STXBP6: variants seen among roughly 807,000 people sequenced by gnomAD.
The protein encoded by STXBP6 is syntaxin-binding protein 6.
Under a neutral mutation model 26.9 loss-of-function variants are expected in STXBP6, and 21 were observed. The ratio of observed to expected loss-of-function variants is 0.78; its 90% CI spans 0.55 to 1.12. The LOEUF is 1.12. STXBP6 is among the 50% of genes most tolerant of loss of function. STXBP6 has a pLI of 0.00. For synonymous variants in STXBP6, 97 were observed against 92.6 expected (o/e 1.05, Z -0.27); for missense variants, 232 against 257.9 (o/e 0.90, Z 0.69).
At chr14:25,045,690 G>A (rs993150385) in intron 1 of STXBP6, among the ~76,000 whole-genome samples, 9 of 147,094 alleles carry the variant, frequency 6.1e-5, no homozygotes, top group South Asian at 2.1e-4. Context: ...TGCAACCTTC[G>A]TCTCCCAGAT....
At chr14:24,933,622 C>T (rs1056048067) in intron 2 of STXBP6, among the ~76,000 whole-genome samples, 5 of 152,164 alleles carry the variant, frequency 3.3e-5, no homozygotes, top group Middle Eastern at 3.4e-3. Flanking sequence ...AGTCGACACA[C>T]TTTCACCCTT....
intron 2 of STXBP6, among the ~76,000 whole-genome samples, chr14:24,923,352 T>C (rs1485575796): frequency 6.6e-6 from 1 of 152,186 alleles, no homozygotes; most frequent in Non-Finnish European, 1.5e-5. Context: ...TGGTATTCCA[T>C]TTTATTTAAA....
At chr14:24,813,061 A>T (rs1244632157) in intron 5 of STXBP6, among the ~76,000 whole-genome samples, 1 of 152,146 alleles carries the variant, frequency 6.6e-6, no homozygotes, top group Non-Finnish European at 1.5e-5. Flanking sequence ...TGAATGAATT[A>T]CCCTAGGAAT....
chr14:24,947,012 T>C (rs1250322906), intron 2 of STXBP6, among the ~76,000 whole-genome samples: 1 of 152,100 alleles, frequency 6.6e-6, no homozygotes, highest in Admixed American at 6.6e-5. Context: ...TACTAAAAAA[T>C]TGCTCTGAAG....
Position 24,973,821 on chromosome 14 carries a change from G to A in STXBP6, c.154+844C>T, listed in dbSNP as rs7159457. ...AAATAAATTCTGATAAATGATCAAA[G>A]GTTTAATTTTTTAAAAAGCTAGAAA... is the stretch of plus-strand genomic sequence containing the variant. On this transcript the variant is annotated intron_variant, in intron 2 of 5. Coordinates refer to ENST00000323944, the MANE Select transcript of STXBP6 (RefSeq NM_001394410.1). Among the ~76,000 whole-genome samples the A allele has an allele frequency of 6.9e-3, 1,056 of 151,988 alleles. 11 individuals carry two copies. The highest frequency in any genetic ancestry group is 0.024 in the African/African-American group (990 of 41,458).
intron 4 of STXBP6, among the ~76,000 whole-genome samples, chr14:24,849,983 A>AAG (rs2069091355): frequency 6.6e-6 from 1 of 152,150 alleles, no homozygotes. Flanking sequence ...TCACACTCCA[A>AAG]AGTCTTTATT....
chr14:25,000,722 C>A lies in STXBP6; in HGVS notation c.-32-25872G>T, dbSNP rs542899528. On this transcript the variant is annotated intron_variant, in intron 1 of 5. Transcript: ENST00000323944. The stretch of plus-strand genomic sequence containing the variant: ...ATGCAGAGGGAAAGTTAGAGTTTAA[C>A]ATAGGACACAAGACCCCCATTCCAG... Among the ~76,000 whole-genome samples, 3 of 150,278 alleles carry A rather than the reference C, an allele frequency of 2.0e-5. No individual in the cohort carries two copies. The South Asian group carries it at 6.5e-4, about 32-fold the overall frequency.
At chr14:24,856,977 G>A in intron 3 of STXBP6, 50 bp downstream of exon 3, 1 of 1,594,950 alleles carries the variant, frequency 6.3e-7, no homozygotes, top group Non-Finnish European at 8.6e-7. Context: ...CAATCAGAGA[G>A]TCATCTTGTG....
intron 2 of STXBP6, among the ~76,000 whole-genome samples, chr14:24,857,389 G>GT (rs2069377169): frequency 6.6e-6 from 1 of 152,106 alleles, no homozygotes; most frequent in Non-Finnish European, 1.5e-5. Context: ...AATTATAATT[G>GT]TAAGGGCTGC....
Position 24,856,096 on chromosome 14 carries a change from C to G in STXBP6, c.291G>C (p.Ser97=). ...TTTCAAACAACAAATCAAACTCTGC[C>G]GAATCCTGGAAAAGACAATGAAATA... ...QVNGIDPNGD[S]AEFDLLFENA... Residue 97 remains serine, a synonymous_variant, in exon 4 of 6, where the codon TCG becomes TCC. Transcript: ENST00000323944. The G allele has an allele frequency of 6.3e-7, 1 of 1,593,126 alleles. No homozygotes were observed. The highest frequency in any genetic ancestry group is 8.5e-7 in the Non-Finnish European group (1 of 1,172,430).
At chr14:25,048,982 G>T in intron 1 of STXBP6, 1 of 191,412 alleles carries the variant, frequency 5.2e-6, no homozygotes, top group Non-Finnish European at 9.6e-6. Context: ...CTCCCACCCA[G>T]TCCCTAGGGA....
At chr14:24,986,203 T>C (rs1440817704) in intron 1 of STXBP6, among the ~76,000 whole-genome samples, 1 of 152,226 alleles carries the variant, frequency 6.6e-6, no homozygotes, top group Non-Finnish European at 1.5e-5. Context: ...CATAGAGTTC[T>C]AAACCTTAAC....
chr14:24,886,590 A>G (rs2070596725), intron 2 of STXBP6, among the ~76,000 whole-genome samples: 1 of 152,194 alleles, frequency 6.6e-6, no homozygotes, highest in Non-Finnish European at 1.5e-5. Context: ...GGTAGTATTA[A>G]TTACTCTGTG....
At chr14:24,912,827 T>G (rs538296613) in intron 2 of STXBP6, among the ~76,000 whole-genome samples, 2 of 152,316 alleles carry the variant, frequency 1.3e-5, no homozygotes, top group South Asian at 4.1e-4. Context: ...TTTAAAAAAA[T>G]GTGGACTTGC....
At chr14:24,975,911 G>A (rs922788264) in intron 1 of STXBP6, among the ~76,000 whole-genome samples, 3 of 152,152 alleles carry the variant, frequency 2.0e-5, no homozygotes, top group Non-Finnish European at 2.9e-5. Flanking sequence ...ATAGATATTT[G>A]TTCAGGCAAT....
intron 2 of STXBP6, among the ~76,000 whole-genome samples, chr14:24,888,860 T>C (rs1347470247): frequency 2.0e-5 from 3 of 152,170 alleles, no homozygotes; most frequent in African/African-American, 7.2e-5. Flanking sequence ...GTAGTGGCAA[T>C]GTATTAAAAA....
chr14:25,010,531 C>T (rs372099761), intron 1 of STXBP6: 4 of 152,320 alleles, frequency 2.6e-5, no homozygotes, highest in African/African-American at 7.2e-5. Flanking sequence ...CTACCTTTAA[C>T]GCAGCCTTTT....
intron 2 of STXBP6, among the ~76,000 whole-genome samples, chr14:24,968,170 A>AAT (rs72223372): frequency 0.13 from 18,071 of 144,200 alleles, 1,302 homozygotes; most frequent in East Asian, 0.31. Flanking sequence ...TATAATAAAG[A>AAT]ATATATATAT....
At chr14:24,917,404 T>C (rs563285600) in intron 2 of STXBP6, among the ~76,000 whole-genome samples, 5 of 152,222 alleles carry the variant, frequency 3.3e-5, no homozygotes, top group East Asian at 1.9e-4. Flanking sequence ...TCACCAGCAC[T>C]GGAAGCTACA....
Sources: allele counts gnomAD v4.1 joint callset (sites outside exome capture counted in the v4.1 genomes callset), GRCh38; gene constraint gnomAD v4.1.1; transcripts MANE v1.5; gene names NCBI Gene and HGNC (gene_info 2026-07-23, HGNC 2026-07-21).